ITSN1: variants seen among roughly 807,000 people sequenced by gnomAD.
ITSN1 encodes the protein intersectin 1, also known as intersectin-1.
ITSN1 carries 58 observed loss-of-function variants against 239.8 expected under a neutral mutation model. The observed-to-expected ratio is 0.24, with a 90% CI of 0.20 to 0.30. The LOEUF (loss-of-function observed/expected upper bound fraction) is 0.30. Ranked by LOEUF, ITSN1 falls within the 10% of genes least tolerant of loss-of-function variation. The pLI is 1.00. For missense variants in ITSN1, 1,558 were observed against 2,103.3 expected, an observed-to-expected ratio of 0.74 and a Z score of 5.07; for synonymous variants, 780 against 770.8, an observed-to-expected ratio of 1.01 and a Z score of -0.20.
chr21:33,885,452 G>A lies in ITSN1; in HGVS notation c.4773G>A (p.Arg1591=). The A allele has an allele frequency of 6.2e-7, 1 of 1,614,076 alleles. No homozygotes were observed. Among genetic ancestry groups the A allele is most frequent in the Non-Finnish European group, 8.5e-7 (1 of 1,180,002 alleles). Residue 1591 remains arginine, a synonymous_variant, in exon 38 of 40, where the codon AGG becomes AGA. Transcript: ENST00000381318. ...REKAYLVRSQ[R]ATGIGRLMVN... ...CTGCCGTCATAGTCCGTTCCCAAAG[G>A]GCAACAGGCATTGGAAGGTTGATGG...
chr21:33,671,824 A>G lies in ITSN1; in HGVS notation c.-33+29111A>G, dbSNP rs938263350. Among the ~76,000 whole-genome samples, 6 of 152,274 alleles carry G rather than the reference A, an allele frequency of 3.9e-5. No individual in the cohort carries two copies. In the South Asian group the frequency reaches 6.2e-4, roughly 16 times the overall value. ...TAAATAAATAAATAAATAACTTACA[A>G]TAATAATTACTTGAATCTCACCGTT... On this transcript the variant is annotated intron_variant, in intron 1 of 39. Transcript: ENST00000381318.
rs550493313 is a variant in ITSN1 at position 33,648,367 on chromosome 21, C to T, written c.-33+5654C>T. On this transcript the variant is annotated intron_variant, in intron 1 of 39. Coordinates refer to ENST00000381318, the MANE Select transcript of ITSN1 (RefSeq NM_003024.3). ...CAGCAAGTGTCTGAGCAGATTTTTA[C>T]TGTAGAGTCCAAAACTCTTAGCCTG... is the stretch of plus-strand genomic sequence containing the variant. Among the ~76,000 whole-genome samples, 9 of 152,300 alleles carry T rather than the reference C, an allele frequency of 5.9e-5. 1 individual carries two copies. In the South Asian group the frequency reaches 1.9e-3, roughly 32 times the overall value.
chr21:33,864,789 T>TC (rs1194349296), intron 31 of ITSN1, among the ~76,000 whole-genome samples: 3 of 152,148 alleles, frequency 2.0e-5, no homozygotes, highest in Non-Finnish European at 4.4e-5. Context: ...CAGAAGTGTC[T>TC]CCTGGAAATA....
chr21:33,883,416 A>T, intron 35 of ITSN1, 134 bp from the exon 36 acceptor site: 1 of 1,184,054 alleles, frequency 8.4e-7, no homozygotes, highest in South Asian at 1.4e-5. Context: ...CACACGCACG[A>T]GTGTGCACAC....
At chr21:33,668,855 T>C (rs1227395217) in intron 1 of ITSN1, among the ~76,000 whole-genome samples, 2 of 152,190 alleles carry the variant, frequency 1.3e-5, no homozygotes, top group African/African-American at 4.8e-5. Flanking sequence ...GGGCAGTAGG[T>C]GGCTCCTCCG....
chr21:33,842,523 T>TGTGA (rs2074860069), intron 29 of ITSN1, among the ~76,000 whole-genome samples: 1 of 148,496 alleles, frequency 6.7e-6, no homozygotes, highest in African/African-American at 2.4e-5. Context: ...TGTGTGTGTG[T>TGTGA]GTGTGTGACA....
At position 33,829,754 on chromosome 21, in the gene ITSN1, C is replaced by A. The variant is rs776263834; in HGVS notation, c.3351+9C>A. The A allele has an allele frequency of 1.4e-5, 23 of 1,613,050 alleles. No individual in the cohort carries two copies. The highest frequency in any genetic ancestry group is 1.5e-5 in the Non-Finnish European group (18 of 1,179,708). On this transcript the variant is annotated intron_variant, in intron 27 of 39. Coordinates refer to ENST00000381318, the MANE Select transcript of ITSN1 (RefSeq NM_003024.3). ...GGGAAGGAGAGCTGCAAGTCAGTGTCTTTTTTGTTTATTTACAATTCTCCA... is the reference window on the plus strand; with the variant it reads ...GGGAAGGAGAGCTGCAAGTCAGTGTATTTTTTGTTTATTTACAATTCTCCA...
intron 20 of ITSN1, among the ~76,000 whole-genome samples, chr21:33,803,401 G>C (rs1334386599): frequency 6.6e-6 from 1 of 152,044 alleles, no homozygotes; most frequent in Non-Finnish European, 1.5e-5. Flanking sequence ...AGTGGTGTTG[G>C]TAAAAGCAAA....
In ITSN1 at chr21:33,750,660, G is replaced by T. The variant is rs561089293; in HGVS notation, c.526+338G>T. 7.9e-5 allele frequency among the ~76,000 whole-genome samples: 12 copies of T among 152,294 alleles called. No individual in the cohort carries two copies. In the East Asian group the frequency reaches 9.6e-4, roughly 12 times the overall value. On this transcript the variant is annotated intron_variant, in intron 6 of 39. Coordinates refer to ENST00000381318, the MANE Select transcript of ITSN1 (RefSeq NM_003024.3). The stretch of plus-strand genomic sequence containing the variant: ...GAACATTTTCTATTTTTATGTATCA[G>T]TTACTACTTTTCTTTAGCCACTATG...
At chr21:33,868,946 T>G (rs961768577) in intron 33 of ITSN1, among the ~76,000 whole-genome samples, 4 of 151,710 alleles carry the variant, frequency 2.6e-5, no homozygotes, top group African/African-American at 9.8e-5. Flanking sequence ...AAATGAGAGC[T>G]TAGTCGTTGA....
chr21:33,851,574 T>C (rs1272561140), intron 29 of ITSN1, among the ~76,000 whole-genome samples: 1 of 150,250 alleles, frequency 6.7e-6, no homozygotes, highest in Non-Finnish European at 1.5e-5. Context: ...AATTTTTGTA[T>C]TTTTAGTAGA....
At chr21:33,661,343 TCATACAAG>T in intron 1 of ITSN1, among the ~76,000 whole-genome samples, 1 of 152,190 alleles carries the variant, frequency 6.6e-6, no homozygotes. Flanking sequence ...GAGTATCTAG[TCATACAAG>T]CATTAAGCAT....
intron 1 of ITSN1, among the ~76,000 whole-genome samples, chr21:33,669,737 G>A (rs750289921): frequency 1.3e-5 from 2 of 152,010 alleles, no homozygotes; most frequent in Admixed American, 6.6e-5. Context: ...CACCGCTCTC[G>A]GCCCTCATTT....
At chr21:33,802,815 T>C (rs2072109342) in intron 20 of ITSN1, among the ~76,000 whole-genome samples, 1 of 152,202 alleles carries the variant, frequency 6.6e-6, no homozygotes, top group African/African-American at 2.4e-5. Context: ...ATTTTCTGGC[T>C]AAGAAAGGCC....
intron 1 of ITSN1, chr21:33,716,642 G>C (rs1420228961): frequency 2.0e-5 from 3 of 152,088 alleles, no homozygotes; most frequent in Non-Finnish European, 4.4e-5. Flanking sequence ...GTTTTTTAGT[G>C]CCTCATTATT....
chr21:33,753,666 G>T (rs976808874), intron 7 of ITSN1, among the ~76,000 whole-genome samples: 2 of 149,982 alleles, frequency 1.3e-5, no homozygotes, highest in African/African-American at 2.5e-5. Context: ...GGAGGCTGAG[G>T]CAAGAGAATT....
chr21:33,807,173 T>G (rs2072517443), intron 20 of ITSN1, among the ~76,000 whole-genome samples: 1 of 152,242 alleles, frequency 6.6e-6, no homozygotes, highest in Non-Finnish European at 1.5e-5. Flanking sequence ...GATTTCACTG[T>G]TATCCTTAGG....
chr21:33,730,789 T>G (rs2066134494), intron 4 of ITSN1, among the ~76,000 whole-genome samples: 3 of 151,876 alleles, frequency 2.0e-5, no homozygotes, highest in African/African-American at 7.3e-5. Context: ...AACCTCCGTC[T>G]CCCAGGTTCA....
chr21:33,658,285 C>A (rs771434299), intron 1 of ITSN1, among the ~76,000 whole-genome samples: 24 of 152,098 alleles, frequency 1.6e-4, no homozygotes, highest in South Asian at 4.1e-4. Flanking sequence ...CTTACTGTCT[C>A]AGGGGTGACA....
Sources: gnomAD v4.1 joint callset for allele counts (sites outside exome capture counted in the v4.1 genomes callset) on GRCh38, gnomAD v4.1.1 for gene constraint, MANE v1.5 for transcripts, NCBI Gene and HGNC (gene_info 2026-07-23, HGNC 2026-07-21) for gene names.